Variants in MTMR8 observed in about 807,000 individuals in gnomAD.
The protein encoded by MTMR8 is phosphatidylinositol-3,5-bisphosphate 3-phosphatase MTMR8.
Under a neutral mutation model 39.3 loss-of-function variants are expected in MTMR8, and 65 were observed. That is an observed-to-expected ratio of 1.65 (90% CI 1.35 to 2.03). MTMR8 has a LOEUF of 2.03. MTMR8 is among the 30% of genes most tolerant of loss of function. The probability of loss-of-function intolerance (pLI) is 0.00; values close to 1 mark genes in which losing one functional copy is unlikely to be tolerated. For synonymous variants in MTMR8, 245 were observed against 185.2 expected, an observed-to-expected ratio of 1.32 and a Z score of -2.62; for missense variants, 777 against 538.9, an observed-to-expected ratio of 1.44 and a Z score of -4.37.
At chrX:64,310,659 C>A (rs1020704180) in intron 12 of MTMR8, among the ~76,000 whole-genome samples, 2 of 109,973 alleles carry the variant, frequency 1.8e-5, no homozygotes, top group African/African-American at 6.6e-5. Flanking sequence ...TAGCCCCTCA[C>A]CCCCCAACAG....
chrX:64,391,226 C>A (rs1924682117), intron 1 of MTMR8, among the ~76,000 whole-genome samples: 1 of 111,848 alleles, frequency 8.9e-6, no homozygotes, highest in Non-Finnish European at 1.9e-5. Context: ...CTTTCACTGT[C>A]TTTTTTTTCT....
At chrX:64,322,722 C>T (rs1315265536) in intron 12 of MTMR8, among the ~76,000 whole-genome samples, 5 of 112,343 alleles carry the variant, frequency 4.5e-5, no homozygotes, top group Non-Finnish European at 7.5e-5. Flanking sequence ...ACTGCCATTA[C>T]ACCACCTTAG....
chrX:64,309,672 C>T (rs757899132), intron 12 of MTMR8, among the ~76,000 whole-genome samples: 1 of 111,425 alleles, frequency 9.0e-6, no homozygotes, highest in South Asian at 3.8e-4. Flanking sequence ...TACTGTCAAA[C>T]CTTGGAGATA....
At chrX:64,393,504 C>T (rs1000918625) in intron 1 of MTMR8, among the ~76,000 whole-genome samples, 1 of 111,863 alleles carries the variant, frequency 8.9e-6, no homozygotes, top group African/African-American at 3.3e-5. Flanking sequence ...CCCATCTTCC[C>T]CAGTTGTCAA....
intron 12 of MTMR8, among the ~76,000 whole-genome samples, chrX:64,273,817 T>A (rs1232997999): frequency 9.0e-6 from 1 of 111,577 alleles, no homozygotes; most frequent in East Asian, 2.8e-4. Context: ...AATAGTAATA[T>A]CAGACAAAAT....
intron 12 of MTMR8, among the ~76,000 whole-genome samples, chrX:64,322,873 A>G (rs1399173840): frequency 1.8e-5 from 2 of 112,848 alleles, no homozygotes; most frequent in Non-Finnish European, 3.7e-5. Context: ...CCACTGCTCC[A>G]GCACAAAGGC....
intron 1 of MTMR8, among the ~76,000 whole-genome samples, chrX:64,378,116 C>A (rs942058491): frequency 2.7e-5 from 3 of 112,063 alleles, no homozygotes; most frequent in East Asian, 2.8e-4. Flanking sequence ...AATTAAACTT[C>A]TTTTCTTCAT....
At chrX:64,323,368 C>T (rs748739323) in intron 12 of MTMR8, among the ~76,000 whole-genome samples, 41 of 111,436 alleles carry the variant, frequency 3.7e-4, no homozygotes, top group East Asian at 3.1e-3. Flanking sequence ...CAAGATGATA[C>T]GAAAAATTTT....
intron 12 of MTMR8, among the ~76,000 whole-genome samples, chrX:64,317,449 TTCTTTCC>T (rs1275258496): frequency 8.9e-6 from 1 of 111,862 alleles, no homozygotes; most frequent in Non-Finnish European, 1.9e-5. Context: ...AGCTCATGTA[TTCTTTCC>T]TCTTTCCCTT....
At chrX:64,274,207 T>C (rs756890922) in intron 12 of MTMR8, among the ~76,000 whole-genome samples, 3 of 112,210 alleles carry the variant, frequency 2.7e-5, no homozygotes, top group Non-Finnish European at 5.6e-5. Flanking sequence ...TGTTAGGTCA[T>C]AAAAGAGAGC....
intron 12 of MTMR8, among the ~76,000 whole-genome samples, chrX:64,286,866 G>C (rs1263016117): frequency 9.0e-6 from 1 of 111,353 alleles, no homozygotes; most frequent in Non-Finnish European, 1.9e-5. Flanking sequence ...ATACTGAATG[G>C]GCAAAAACTG....
At chrX:64,301,820 C>G (rs1398216128) in intron 12 of MTMR8, among the ~76,000 whole-genome samples, 2 of 111,835 alleles carry the variant, frequency 1.8e-5, no homozygotes, top group Non-Finnish European at 3.8e-5. Context: ...TTGGAATACC[C>G]TGCCGTGTGA....
At chrX:64,368,694 C>CA (rs1924045400) in intron 1 of MTMR8, among the ~76,000 whole-genome samples, 1 of 111,857 alleles carries the variant, frequency 8.9e-6, no homozygotes, top group South Asian at 3.7e-4. Context: ...AGGACATAGG[C>CA]ATGGGCAAGG....
intron 12 of MTMR8, among the ~76,000 whole-genome samples, chrX:64,325,649 A>C: frequency 8.9e-6 from 1 of 112,459 alleles, no homozygotes; most frequent in Middle Eastern, 4.6e-3. Context: ...ACTACAAATA[A>C]AAGCCACATA....
chrX:64,268,461 G>A lies in MTMR8; in HGVS notation c.*76C>T. 8.9e-7 allele frequency: 1 copy of A among 1,121,591 alleles called. No homozygotes were observed. Among genetic ancestry groups the A allele is most frequent in the South Asian group, 2.2e-5 (1 of 46,271 alleles). The allele number at this position is 1,121,591 out of a possible 1,213,427, so 92.4% of individuals were successfully genotyped here. ...TCACCCACTTAAACCAATTGGAAAA[G>A]CAGCATAGCCCTCTCTGGGACAAGA... On this transcript the variant is annotated 3_prime_UTR_variant, in exon 14 of 14. Transcript: ENST00000374852.
At chrX:64,291,008 T>C (rs746012740) in intron 12 of MTMR8, among the ~76,000 whole-genome samples, 50 of 112,126 alleles carry the variant, frequency 4.5e-4, no homozygotes, top group Admixed American at 1.2e-3. Context: ...TTGGGGCATA[T>C]GGCATTTGCA....
At chrX:64,381,420 T>C (rs187088205) in intron 1 of MTMR8, among the ~76,000 whole-genome samples, 1 of 109,060 alleles carries the variant, frequency 9.2e-6, no homozygotes, top group East Asian at 2.8e-4. Flanking sequence ...TCTGTGCATA[T>C]CCTTCGCCTA....
At chrX:64,284,753 C>A (rs770841307) in intron 12 of MTMR8, among the ~76,000 whole-genome samples, 72 of 111,295 alleles carry the variant, frequency 6.5e-4, no homozygotes, top group Middle Eastern at 4.6e-3. Context: ...GAAATAAAAT[C>A]CTTTACAGAC....
chrX:64,279,654 T>C (rs1384915567), intron 12 of MTMR8, among the ~76,000 whole-genome samples: 1 of 111,844 alleles, frequency 8.9e-6, no homozygotes, highest in Non-Finnish European at 1.9e-5. Flanking sequence ...CATATGGAAT[T>C]GCAAGGGACC....
Sources: allele counts gnomAD v4.1 joint callset (sites outside exome capture counted in the v4.1 genomes callset), GRCh38; gene constraint gnomAD v4.1.1; transcripts MANE v1.5; gene names NCBI Gene and HGNC (gene_info 2026-07-23, HGNC 2026-07-21).